The following DCC variants were observed in gnomAD, a reference collection of about 807,000 sequenced individuals.
DCC encodes the protein DCC netrin 1 receptor, also known as netrin receptor DCC.
DCC carries 58 observed loss-of-function variants against 172.5 expected under a neutral mutation model. The observed-to-expected ratio is 0.34, with a 90% CI of 0.27 to 0.42. The LOEUF is 0.42. Among genes scored for constraint, DCC ranks in the 10% least tolerant of loss-of-function variants. The pLI, the probability that DCC is intolerant of heterozygous loss-of-function variation, is 1.00. For missense variants in DCC, 1,740 were observed against 1,791.0 expected, an observed-to-expected ratio of 0.97 and a Z score of 0.51; for synonymous variants, 709 against 644.5, an observed-to-expected ratio of 1.10 and a Z score of -1.52.
chr18:53,255,848 A>C (rs1181431076), intron 12 of DCC, among the ~76,000 whole-genome samples: 1 of 152,060 alleles, frequency 6.6e-6, no homozygotes, highest in Non-Finnish European at 1.5e-5. Flanking sequence ...AACTGTTCCT[A>C]TTTCTCCACA....
At chr18:52,535,214 C>A (rs945867839) in intron 1 of DCC, among the ~76,000 whole-genome samples, 3 of 152,164 alleles carry the variant, frequency 2.0e-5, no homozygotes, top group East Asian at 1.9e-4. Context: ...AATCTTCACT[C>A]ACTCAAAGCT....
At chr18:52,640,076 G>T (rs564339315) in intron 1 of DCC, among the ~76,000 whole-genome samples, 113 of 151,898 alleles carry the variant, frequency 7.4e-4, no homozygotes, top group South Asian at 2.7e-3. Flanking sequence ...AAGTCCATGT[G>T]ATACACCTCA....
chr18:52,407,241 A>C (rs1986685096), intron 1 of DCC, among the ~76,000 whole-genome samples: 1 of 152,102 alleles, frequency 6.6e-6, no homozygotes, highest in Admixed American at 6.6e-5. Context: ...CTTATGGGCA[A>C]ATGTCAAGAG....
intron 1 of DCC, among the ~76,000 whole-genome samples, chr18:52,690,586 A>G (rs1278752247): frequency 1.3e-5 from 2 of 152,144 alleles, no homozygotes; most frequent in African/African-American, 2.4e-5. Context: ...ATATACATTA[A>G]TTCATTTGAT....
chr18:53,453,408 C>T (rs541202796), intron 23 of DCC, among the ~76,000 whole-genome samples: 5 of 152,206 alleles, frequency 3.3e-5, no homozygotes, highest in Middle Eastern at 3.4e-3. Context: ...AAGTAGAAAA[C>T]GCATTCACGA....
At chr18:52,958,954 G>A (rs1236759986) in intron 5 of DCC, among the ~76,000 whole-genome samples, 4 of 152,018 alleles carry the variant, frequency 2.6e-5, no homozygotes, top group Non-Finnish European at 5.9e-5. Context: ...ATTTATAAAC[G>A]TTCTTAAAAC....
intron 2 of DCC, among the ~76,000 whole-genome samples, chr18:52,841,014 T>C (rs565525858): frequency 3.9e-5 from 6 of 152,026 alleles, no homozygotes; most frequent in Non-Finnish European, 8.8e-5. Context: ...TGGAAGCTGA[T>C]TTAGGTAGAA....
chr18:53,405,198 A>AAG (rs1379695001), intron 19 of DCC, among the ~76,000 whole-genome samples: 1 of 151,802 alleles, frequency 6.6e-6, no homozygotes, highest in Non-Finnish European at 1.5e-5. Flanking sequence ...AGTAAAAAAA[A>AAG]AAAAAAAGAA....
chr18:52,958,604 C>T (rs796087389), intron 5 of DCC, among the ~76,000 whole-genome samples: 9 of 152,002 alleles, frequency 5.9e-5, no homozygotes, highest in East Asian at 1.9e-4. Context: ...AACTGGGGCA[C>T]GGACAATGAA....
intron 12 of DCC, among the ~76,000 whole-genome samples, chr18:53,271,622 A>T (rs2056750625): frequency 6.6e-6 from 1 of 152,180 alleles, no homozygotes; most frequent in Non-Finnish European, 1.5e-5. Context: ...ATAGCAAGGC[A>T]TCTGAATTCC....
intron 1 of DCC, among the ~76,000 whole-genome samples, chr18:52,554,539 T>C (rs1251437353): frequency 2.6e-5 from 4 of 152,166 alleles, no homozygotes; most frequent in African/African-American, 9.6e-5. Flanking sequence ...GAAAAAGGCC[T>C]GTATTAGCAG....
intron 15 of DCC, among the ~76,000 whole-genome samples, chr18:53,352,186 A>G (rs2057820378): frequency 6.6e-6 from 1 of 152,108 alleles, no homozygotes; most frequent in Admixed American, 6.6e-5. Context: ...TAATCCAGCT[A>G]CATAGGACAC....
chr18:52,403,168 G>A lies in DCC; in HGVS notation c.91+62290G>A, dbSNP rs186721210. On this transcript the variant is annotated intron_variant, in intron 1 of 28. Coordinates refer to ENST00000442544, the MANE Select transcript of DCC (RefSeq NM_005215.4). Reference sequence around the variant, plus strand: ...AGCTTTGCCTATAGTAAAGTTTACCGTATGTTTTCTAGTAATTTTTAAGAA... The same window carrying A: ...AGCTTTGCCTATAGTAAAGTTTACCATATGTTTTCTAGTAATTTTTAAGAA... Among the ~76,000 whole-genome samples the A allele has an allele frequency of 1.3e-4, 20 of 152,102 alleles. 1 individual carries two copies. The highest frequency in any genetic ancestry group is 3.9e-4 in the East Asian group (2 of 5,152).
chr18:53,387,566 T>C (rs1188375867), intron 16 of DCC, among the ~76,000 whole-genome samples: 1 of 152,178 alleles, frequency 6.6e-6, no homozygotes, highest in Admixed American at 6.5e-5. Context: ...TCTCCAAATA[T>C]AGAAAGATGA....
At chr18:53,341,873 G>A (rs1177633391) in intron 15 of DCC, among the ~76,000 whole-genome samples, 2 of 152,072 alleles carry the variant, frequency 1.3e-5, no homozygotes, top group Middle Eastern at 3.4e-3. Context: ...AGTTTCCATA[G>A]TAACTTTTTG....
At chr18:52,422,317 G>A (rs1467866623) in intron 1 of DCC, among the ~76,000 whole-genome samples, 2 of 152,190 alleles carry the variant, frequency 1.3e-5, no homozygotes, top group Non-Finnish European at 2.9e-5. Context: ...TTCTCTGAGA[G>A]ATACAAAAAG....
At chr18:52,841,974 T>A (rs1372947574) in intron 2 of DCC, among the ~76,000 whole-genome samples, 1 of 148,658 alleles carries the variant, frequency 6.7e-6, no homozygotes, top group Non-Finnish European at 1.5e-5. Flanking sequence ...GATTAAAGTT[T>A]GAGGATATTC....
chr18:52,371,959 T>C (rs1045248619), intron 1 of DCC, among the ~76,000 whole-genome samples: 1 of 152,234 alleles, frequency 6.6e-6, no homozygotes, highest in African/African-American at 2.4e-5. Flanking sequence ...AGATCCTTAA[T>C]TGCATTGTCT....
At chr18:53,032,574 A>C (rs890842696) in intron 5 of DCC, among the ~76,000 whole-genome samples, 5 of 152,154 alleles carry the variant, frequency 3.3e-5, no homozygotes, top group African/African-American at 1.2e-4. Context: ...GTATCTGTGG[A>C]TTCACTACCT....
Sources: gnomAD v4.1 joint callset for allele counts (sites outside exome capture counted in the v4.1 genomes callset) on GRCh38, gnomAD v4.1.1 for gene constraint, MANE v1.5 for transcripts, NCBI Gene and HGNC (gene_info 2026-07-23, HGNC 2026-07-21) for gene names.